The following RPA3 variants were observed in gnomAD, a reference collection of about 807,000 sequenced individuals.
RPA3 encodes the protein replication protein A3.
Under a neutral mutation model 13.7 loss-of-function variants are expected in RPA3, and 24 were observed. The ratio of observed to expected loss-of-function variants is 1.75; its 90% CI spans 1.27 to 2.46. RPA3 has a LOEUF of 2.46. RPA3 is among the 30% of genes most tolerant of loss of function. RPA3 has a pLI of 0.00. For synonymous variants in RPA3, 59 were observed against 51.2 expected, an observed-to-expected ratio of 1.15 and a Z score of -0.65; for missense variants, 183 against 151.0, an observed-to-expected ratio of 1.21 and a Z score of -1.11.
At chr7:7,648,703 T>C (rs556403601) in intron 4 of RPA3, among the ~76,000 whole-genome samples, 1 of 151,264 alleles carries the variant, frequency 6.6e-6, no homozygotes, top group Non-Finnish European at 1.5e-5. Flanking sequence ...ATACAAAAAT[T>C]AGCTGGCCAT....
intron 4 of RPA3, among the ~76,000 whole-genome samples, chr7:7,664,591 CT>C (rs951279151): frequency 3.3e-5 from 5 of 152,196 alleles, no homozygotes; most frequent in East Asian, 3.8e-4. Context: ...ACCCACTATG[CT>C]TTTTGTTCAT....
Position 7,640,684 on chromosome 7 carries a change from T to C in RPA3, c.-266A>G. ...TTGACAGATACAGGGCGAGAGGCAG[T>C]GGAGGCGGGACTTGGATAGGGGCGG... On this transcript the variant is annotated 5_prime_UTR_variant, in exon 5 of 8. Transcript: ENST00000223129. 2.2e-6 allele frequency: 1 copy of C among 462,294 alleles called. No individual in the cohort carries two copies. Among genetic ancestry groups the C allele is most frequent in the Non-Finnish European group, 3.9e-6 (1 of 257,128 alleles). 28.6% of individuals were successfully genotyped at this position (462,294 alleles called of 1,614,324 possible).
intron 5 of RPA3, among the ~76,000 whole-genome samples, chr7:7,639,581 AG>A (rs1784920207): frequency 6.6e-6 from 1 of 152,310 alleles, no homozygotes; most frequent in Admixed American, 6.5e-5. Context: ...GCAGCTGTAA[AG>A]AGCGCTGTCA....
chr7:7,641,435 A>G (rs746420573), intron 4 of RPA3: 3 of 152,218 alleles, frequency 2.0e-5, no homozygotes, highest in Non-Finnish European at 2.9e-5. Flanking sequence ...TGCAAAACGA[A>G]GGGTTAGGCG....
intron 2 of RPA3, among the ~76,000 whole-genome samples, chr7:7,689,779 A>T (rs993307387): frequency 1.3e-5 from 2 of 152,180 alleles, no homozygotes; most frequent in Non-Finnish European, 2.9e-5. Context: ...AGTCATAAGT[A>T]AACATTTTGA....
chr7:7,637,606 TTGTA>T (rs1288910351), intron 7 of RPA3, among the ~76,000 whole-genome samples: 1 of 150,960 alleles, frequency 6.6e-6, no homozygotes, highest in African/African-American at 2.4e-5. Flanking sequence ...TGTTATGTAA[TTGTA>T]TGTAATACAT....
chr7:7,715,303 A>G (rs551885232), intron 1 of RPA3, 77 bp from the exon 2 acceptor site: 1 of 151,612 alleles, frequency 6.6e-6, no homozygotes, highest in Non-Finnish European at 1.5e-5. Context: ...TTCATCAATG[A>G]TCTTGGTGAA....
chr7:7,664,782 T>G (rs996043821), intron 4 of RPA3, among the ~76,000 whole-genome samples: 1 of 152,208 alleles, frequency 6.6e-6, no homozygotes, highest in African/African-American at 2.4e-5. Context: ...TCACTCAAGA[T>G]TAAAGCTACC....
At chr7:7,662,121 G>A (rs968381107) in intron 4 of RPA3, among the ~76,000 whole-genome samples, 2 of 152,080 alleles carry the variant, frequency 1.3e-5, no homozygotes, top group Non-Finnish European at 2.9e-5. Context: ...AGGGGAAAAC[G>A]GCCCACTCAA....
intron 4 of RPA3, among the ~76,000 whole-genome samples, chr7:7,671,972 A>G (rs1779616742): frequency 6.6e-6 from 1 of 152,066 alleles, no homozygotes; most frequent in African/African-American, 2.4e-5. Flanking sequence ...TATGTTTTCT[A>G]GCAACCAATA....
In RPA3 at chr7:7,687,296, A is replaced by G. The variant is rs578004962; in HGVS notation, c.-995T>C. The G allele has an allele frequency of 6.6e-6, 1 of 152,304 alleles. No individual in the cohort carries two copies. The highest frequency in any genetic ancestry group is 1.9e-4 in the East Asian group (1 of 5,172). The allele number at this position is 152,304 out of a possible 1,614,324, so 9.4% of individuals were successfully genotyped here. A position where few individuals can be genotyped will look rare whatever the true frequency, so the allele number is the denominator to read the frequency against. On this transcript the variant is annotated 5_prime_UTR_variant, in exon 3 of 8. Coordinates refer to ENST00000223129, the MANE Select transcript of RPA3 (RefSeq NM_002947.5). ...CATGGTGTCTTCATTACATTGTTGC[A>G]GGAGATGAAGCAAAAGGAAACTGTA...
intron 4 of RPA3, among the ~76,000 whole-genome samples, chr7:7,677,743 G>A (rs6975797): frequency 0.65 from 90,166 of 139,670 alleles, 29,355 homozygotes; most frequent in East Asian, 0.87. Flanking sequence ...GCGGGATCTC[G>A]GCTCACTGCA....
At chr7:7,702,737 C>T (rs971870267) in intron 2 of RPA3, among the ~76,000 whole-genome samples, 53 of 152,066 alleles carry the variant, frequency 3.5e-4, no homozygotes, top group Admixed American at 2.9e-3. Flanking sequence ...AAATGTGCTC[C>T]GGTGAGTAAA....
At chr7:7,696,208 T>C (rs1780312204) in intron 2 of RPA3, among the ~76,000 whole-genome samples, 1 of 151,578 alleles carries the variant, frequency 6.6e-6, no homozygotes, top group Admixed American at 6.6e-5. Context: ...GGTTTTGCCA[T>C]GTTGCCCAGG....
chr7:7,664,814 C>G (rs1583708827), intron 4 of RPA3, among the ~76,000 whole-genome samples: 1 of 152,314 alleles, frequency 6.6e-6, no homozygotes, highest in East Asian at 1.9e-4. Flanking sequence ...CTACCTTCCT[C>G]TGTACTGTAT....
In RPA3 at chr7:7,640,550, G is replaced by C; in HGVS notation, c.-132C>G. 1.3e-6 allele frequency: 1 copy of C among 796,974 alleles called. No individual in the cohort carries two copies. The highest frequency in any genetic ancestry group is 2.6e-5 in the East Asian group (1 of 37,956). The allele number at this position is 796,974 out of a possible 1,614,324, so 49.4% of individuals were successfully genotyped here. On this transcript the variant is annotated 5_prime_UTR_variant, in exon 5 of 8. Coordinates refer to ENST00000223129, the MANE Select transcript of RPA3 (RefSeq NM_002947.5). ...AGCGCTCCAGCTTCGCCAATTAAAT[G>C]CGCGGAAACCTAAATCGCAATCGCG... is the stretch of plus-strand genomic sequence containing the variant.
At chr7:7,710,220 C>T (rs1405682598) in intron 2 of RPA3, among the ~76,000 whole-genome samples, 1 of 151,662 alleles carries the variant, frequency 6.6e-6, no homozygotes, top group Non-Finnish European at 1.5e-5. Context: ...TTTTGTTTTC[C>T]TAAAAACAGT....
intron 4 of RPA3, among the ~76,000 whole-genome samples, chr7:7,643,604 C>T (rs772029002): frequency 2.6e-5 from 4 of 151,520 alleles, no homozygotes; most frequent in African/African-American, 4.9e-5. Context: ...CCCAGCTACT[C>T]GGGAGGCTGA....
chr7:7,677,543 G>C (rs558054927), intron 4 of RPA3, among the ~76,000 whole-genome samples: 73 of 151,810 alleles, frequency 4.8e-4, no homozygotes, highest in African/African-American at 1.6e-3. Context: ...CACTTTACAT[G>C]ATCTCCTCTA....
Sources: gnomAD v4.1 joint callset for allele counts (sites outside exome capture counted in the v4.1 genomes callset) on GRCh38, gnomAD v4.1.1 for gene constraint, MANE v1.5 for transcripts, NCBI Gene and HGNC (gene_info 2026-07-23, HGNC 2026-07-21) for gene names.